The following ABCC4 variants were observed in gnomAD, a reference collection of about 807,000 sequenced individuals.
ABCC4 encodes ATP-binding cassette sub-family C member 4.
ABCC4 carries 102 observed loss-of-function variants against 168.5 expected under a neutral mutation model. That is an observed-to-expected ratio of 0.61 (90% CI 0.52 to 0.71). ABCC4 has a LOEUF of 0.71. Among genes scored for constraint, ABCC4 ranks in the 30% least tolerant of loss-of-function variants. The probability of loss-of-function intolerance (pLI) is 0.00; values close to 1 mark genes in which losing one functional copy is unlikely to be tolerated. For missense variants in ABCC4, 1,402 were observed against 1,605.8 expected (o/e 0.87, Z 2.17); for synonymous variants, 617 against 590.7 (o/e 1.04, Z -0.65).
chr13:95,040,518 G>C (rs551594438), intron 29 of ABCC4, among the ~76,000 whole-genome samples: 1 of 152,176 alleles, frequency 6.6e-6, no homozygotes, highest in Admixed American at 6.5e-5. Flanking sequence ...TTACAGGCAT[G>C]AGCCACCGCG....
At chr13:95,278,526 G>A (rs552082727) in intron 1 of ABCC4, among the ~76,000 whole-genome samples, 7 of 152,156 alleles carry the variant, frequency 4.6e-5, no homozygotes, top group Non-Finnish European at 7.3e-5. Context: ...AAGGGGCGGT[G>A]GCTCACGCCT....
intron 19 of ABCC4, among the ~76,000 whole-genome samples, chr13:95,129,226 C>A (rs57794618): frequency 6.6e-6 from 1 of 152,140 alleles, no homozygotes; most frequent in South Asian, 2.1e-4. Context: ...ACAAATATTG[C>A]GTAATTATTA....
chr13:95,149,062 G>A (rs2036591473), intron 19 of ABCC4: 1 of 152,174 alleles, frequency 6.6e-6, no homozygotes, highest in Non-Finnish European at 1.5e-5. Flanking sequence ...CTAAAGACTT[G>A]ACAATTCCTT....
intron 6 of ABCC4, 93 bp from the exon 7 acceptor site, chr13:95,208,018 C>T (rs928830966): frequency 2.1e-6 from 3 of 1,437,976 alleles, no homozygotes; most frequent in Non-Finnish European, 2.8e-6. Flanking sequence ...TCACATGGTT[C>T]CCTACAGCGC....
chr13:95,036,364 C>T lies in ABCC4; in HGVS notation c.3736-1625G>A, dbSNP rs577134950. ...GTTTAATGGAAAGGAAGTCCTACTA[C>T]TATTTGGTCCTTGTCCAAATTCCTA... On this transcript the variant is annotated intron_variant, in intron 29 of 30. Coordinates refer to ENST00000645237, the MANE Select transcript of ABCC4 (RefSeq NM_005845.5). 2.0e-5 allele frequency among the ~76,000 whole-genome samples: 3 copies of T among 152,252 alleles called. No individual in the cohort carries two copies. The South Asian group carries it at 6.2e-4, about 32-fold the overall frequency.
At chr13:95,185,565 C>T (rs974271857) in intron 11 of ABCC4, among the ~76,000 whole-genome samples, 9 of 152,244 alleles carry the variant, frequency 5.9e-5, no homozygotes, top group Non-Finnish European at 1.3e-4. Flanking sequence ...TTCTGCATCA[C>T]ACCTGTGACA....
chr13:95,269,382 C>G lies in ABCC4; in HGVS notation c.75-21629G>C, dbSNP rs767340220. On this transcript the variant is annotated intron_variant, in intron 1 of 30. Transcript: ENST00000645237. Reference sequence around the variant, plus strand: ...TGGAGGCTGCAGTGAGCTGAGACTGCGCCACTGCACTCCAGCCTGGGTGAC... The same window carrying G: ...TGGAGGCTGCAGTGAGCTGAGACTGGGCCACTGCACTCCAGCCTGGGTGAC... 1.8e-5 allele frequency: 8 copies of G among 442,308 alleles called. No homozygotes were observed. In the East Asian group the frequency reaches 5.9e-4, roughly 33 times the overall value. The allele number at this position is 442,308 out of a possible 1,614,324, so 27.4% of individuals were successfully genotyped here.
chr13:95,299,734 G>A (rs2041627172), intron 1 of ABCC4, among the ~76,000 whole-genome samples: 1 of 152,110 alleles, frequency 6.6e-6, no homozygotes, highest in Admixed American at 6.6e-5. Context: ...ATGTGGGAAA[G>A]ATGAGGCGGC....
intron 26 of ABCC4, among the ~76,000 whole-genome samples, chr13:95,054,235 A>AAGGAGGTC (rs2032970824): frequency 6.6e-6 from 1 of 151,998 alleles, no homozygotes; most frequent in African/African-American, 2.4e-5. Context: ...AACCACTGTG[A>AAGGAGGTC]AGGAGGTCAT....
intron 13 of ABCC4, among the ~76,000 whole-genome samples, chr13:95,175,581 T>C (rs1473558316): frequency 6.6e-6 from 1 of 152,194 alleles, no homozygotes; most frequent in African/African-American, 2.4e-5. Flanking sequence ...GTGCTGGGAT[T>C]ACAGGCATGG....
intron 19 of ABCC4, among the ~76,000 whole-genome samples, chr13:95,155,661 C>A (rs1277208139): frequency 6.6e-6 from 1 of 152,164 alleles, no homozygotes; most frequent in Non-Finnish European, 1.5e-5. Context: ...CACGCACACA[C>A]TGGAGAAAAA....
In ABCC4 at chr13:95,053,178, C is replaced by T; in HGVS notation, c.3373G>A (p.Val1125Ile). The T allele has an allele frequency of 6.2e-7, 1 of 1,614,042 alleles. No homozygotes were observed. Among genetic ancestry groups the T allele is most frequent in the Non-Finnish European group, 8.5e-7 (1 of 1,179,928 alleles). Residue 1125 changes from valine (V) to isoleucine (I), a missense_variant, in exon 27 of 31, where the codon GTT becomes ATT. Transcript: ENST00000645237. ...TTCCTCATTGTTCCAGTGAACAAAACAGGTTCCTAAGTGCCCAAAATAGTC... is the reference window on the plus strand; with the variant it reads ...TTCCTCATTGTTCCAGTGAACAAAATAGGTTCCTAAGTGCCCAAAATAGTC... Reference protein sequence around the residue: ...KKMSIIPQEPVLFTGTMRKNL... With the variant: ...KKMSIIPQEPILFTGTMRKNL...
intron 21 of ABCC4, among the ~76,000 whole-genome samples, chr13:95,077,993 G>A (rs1394386765): frequency 6.6e-6 from 1 of 152,154 alleles, no homozygotes; most frequent in African/African-American, 2.4e-5. Flanking sequence ...TTGGGGAAAG[G>A]CAGATGGAGC....
At position 95,206,649 on chromosome 13, in the gene ABCC4, G is replaced by A. The variant is rs780266783; in HGVS notation, c.1044C>T (p.Ala348=). 16 of 1,614,058 alleles carry A rather than the reference G, an allele frequency of 9.9e-6. 1 individual carries two copies. The South Asian group carries it at 1.5e-4, about 16-fold the overall frequency. The change falls in exon 8 of 31, where the codon GCC becomes GCT. Residue 348 remains alanine, a synonymous_variant. Transcript: ENST00000645237. ...GCGTCACTGCCACGAACACGCGGCTGGCTGTGATCACACTGCCGAGGAGCA... is the reference window on the plus strand; with the variant it reads ...GCGTCACTGCCACGAACACGCGGCTAGCTGTGATCACACTGCCGAGGAGCA... ...TYVLLGSVIT[A]SRVFVAVTLY... is the part of the protein sequence containing the mutation.
At chr13:95,172,879 A>AT (rs2037527846) in intron 13 of ABCC4, among the ~76,000 whole-genome samples, 1 of 152,164 alleles carries the variant, frequency 6.6e-6, no homozygotes, top group South Asian at 2.1e-4. Context: ...TGATCATGCC[A>AT]TTGCACTTCA....
rs1555325647 is a variant in ABCC4, at chr13:95,171,572, G to GAAAAAGAAAAAAAGGAGA, written c.1728-945_1728-944insTCTCCTTTTTTTCTTTTT. ...CCCTGTCTCAAAAAGAAAAAAAGGA[G>GAAAAAGAAAAAAAGGAGA]AAAAAAAAAAAAGAAAAAGAAAAGA... On this transcript the variant is annotated intron_variant, in intron 13 of 30. Coordinates refer to ENST00000645237, the MANE Select transcript of ABCC4 (RefSeq NM_005845.5). Among the ~76,000 whole-genome samples the GAAAAAGAAAAAAAGGAGA allele has an allele frequency of 1.2e-4, 16 of 134,242 alleles. No individual in the cohort carries two copies. In the East Asian group the frequency reaches 3.1e-3, roughly 26 times the overall value. The allele number at this position is 134,242 out of a possible 152,430, so 88.1% of individuals were successfully genotyped here.
At chr13:95,040,696 T>C (rs1316969951) in intron 29 of ABCC4, among the ~76,000 whole-genome samples, 4 of 152,252 alleles carry the variant, frequency 2.6e-5, no homozygotes, top group African/African-American at 7.2e-5. Flanking sequence ...AGATGAAACA[T>C]AGAATTTAAA....
intron 19 of ABCC4, among the ~76,000 whole-genome samples, chr13:95,144,533 T>A (rs984862176): frequency 5.3e-5 from 8 of 152,146 alleles, no homozygotes; most frequent in Non-Finnish European, 1.0e-4. Flanking sequence ...CCAGATCTGA[T>A]AAACAACTTC....
chr13:95,265,335 A>T (rs1232401101), intron 1 of ABCC4, among the ~76,000 whole-genome samples: 2 of 152,228 alleles, frequency 1.3e-5, no homozygotes, highest in Non-Finnish European at 2.9e-5. Flanking sequence ...GAATTATTTC[A>T]AAATAAAAAG....
Sources: allele counts gnomAD v4.1 joint callset (sites outside exome capture counted in the v4.1 genomes callset), GRCh38; gene constraint gnomAD v4.1.1; transcripts MANE v1.5; gene names NCBI Gene and HGNC (gene_info 2026-07-23, HGNC 2026-07-21).